SLC35F1: variants seen among roughly 807,000 people sequenced by gnomAD.
The protein encoded by SLC35F1 is solute carrier family 35 member F1, also known as chromosome 6 open reading frame 169.
In SLC35F1, 14 loss-of-function variants were observed where a neutral mutation model predicts 48.7. That is an observed-to-expected ratio of 0.29 (90% CI 0.19 to 0.45). The LOEUF is 0.45. Ranked by LOEUF, SLC35F1 falls within the 20% of genes least tolerant of loss-of-function variation. The pLI is 1.00. For synonymous variants in SLC35F1, 190 were observed against 202.2 expected (o/e 0.94, Z 0.51); for missense variants, 404 against 500.0 (o/e 0.81, Z 1.83).
chr6:118,000,977 A>G (rs1206392981), intron 1 of SLC35F1, among the ~76,000 whole-genome samples: 1 of 152,096 alleles, frequency 6.6e-6, no homozygotes, highest in Non-Finnish European at 1.5e-5. Context: ...AGAACATTCC[A>G]TGCTCATCGG....
chr6:117,955,731 T>C (rs1446551613), intron 1 of SLC35F1, among the ~76,000 whole-genome samples: 6 of 152,226 alleles, frequency 3.9e-5, no homozygotes. Context: ...CAGTGTGATC[T>C]TGCTTCAGTC....
At position 118,275,447 on chromosome 6, in the gene SLC35F1, G is replaced by C; in HGVS notation, c.638-12G>C. ...GATGCTCCCTCTGTTTGTTTGTTTG[G>C]TTGGTTCCTAGGGGAAAATAAGCTG... On this transcript the variant is annotated splice_polypyrimidine_tract_variant and intron_variant, in intron 4 of 7. Coordinates refer to ENST00000360388, the MANE Select transcript of SLC35F1 (RefSeq NM_001029858.4). 21 of 1,602,810 alleles carry C rather than the reference G, an allele frequency of 1.3e-5. No homozygotes were observed. The highest frequency in any genetic ancestry group is 1.6e-5 in the Non-Finnish European group (19 of 1,175,392).
chr6:118,128,003 T>C (rs1345115050), intron 1 of SLC35F1, among the ~76,000 whole-genome samples: 62 of 151,858 alleles, frequency 4.1e-4, no homozygotes, highest in Non-Finnish European at 9.0e-4. Flanking sequence ...GGGCAAAGGA[T>C]ATGAACAGAC....
chr6:118,138,971 A>AACACACACACAC (rs58109876), intron 1 of SLC35F1, among the ~76,000 whole-genome samples: 2,791 of 150,052 alleles, frequency 0.019, 98 homozygotes, highest in African/African-American at 0.065. Context: ...TTTCAGCAGA[A>AACACACACACAC]ACACACACAC....
chr6:117,943,538 A>C (rs1776258882), intron 1 of SLC35F1, among the ~76,000 whole-genome samples: 1 of 152,202 alleles, frequency 6.6e-6, no homozygotes, highest in African/African-American at 2.4e-5. Flanking sequence ...TTTTGTGTAA[A>C]GTTCTTATGG....
chr6:118,052,716 A>G (rs1343928860), intron 1 of SLC35F1, among the ~76,000 whole-genome samples: 2 of 152,222 alleles, frequency 1.3e-5, no homozygotes, highest in Non-Finnish European at 2.9e-5. Context: ...AATTAAGAGA[A>G]AAGCTGTTTA....
rs1776415838 is a variant in SLC35F1, at chr6:118,315,099, G to C, written c.*847G>C. The stretch of plus-strand genomic sequence containing the variant: ...TAAAATCTTTCTGCTCCTCCCTGTA[G>C]CCTCTCTTCAAAAACTATCTTTTAT... On this transcript the variant is annotated 3_prime_UTR_variant, in exon 8 of 8. Coordinates refer to ENST00000360388, the MANE Select transcript of SLC35F1 (RefSeq NM_001029858.4). 1 of 152,516 alleles carries C rather than the reference G, an allele frequency of 6.6e-6. No homozygotes were observed. Among genetic ancestry groups the C allele is most frequent in the South Asian group, 2.1e-4 (1 of 4,826 alleles). 9.4% of individuals were successfully genotyped at this position (152,516 alleles called of 1,614,324 possible). A position where few individuals can be genotyped will look rare whatever the true frequency, so the allele number is the denominator to read the frequency against.
At chr6:118,014,216 A>G (rs1171900583) in intron 1 of SLC35F1, among the ~76,000 whole-genome samples, 1 of 145,380 alleles carries the variant, frequency 6.9e-6, no homozygotes, top group Non-Finnish European at 1.5e-5. Context: ...CACCCAGCAC[A>G]TAGTGAACAC....
intron 3 of SLC35F1, among the ~76,000 whole-genome samples, chr6:118,260,611 G>A (rs532165497): frequency 6.6e-6 from 1 of 152,072 alleles, no homozygotes; most frequent in Non-Finnish European, 1.5e-5. Context: ...TGAATGTAGT[G>A]TTTCCTTATG....
intron 1 of SLC35F1, among the ~76,000 whole-genome samples, chr6:117,955,088 C>A (rs932773374): frequency 3.3e-5 from 5 of 152,032 alleles, no homozygotes; most frequent in East Asian, 1.9e-4. Context: ...TGGGTAAGTT[C>A]TTTTTTATAG....
At chr6:118,200,946 C>T (rs192134246) in intron 2 of SLC35F1, among the ~76,000 whole-genome samples, 98 of 152,156 alleles carry the variant, frequency 6.4e-4, no homozygotes, top group Non-Finnish European at 8.8e-4. Context: ...AGTGCAATGA[C>T]GTGACGATTG....
At chr6:118,042,580 T>C (rs1034728895) in intron 1 of SLC35F1, among the ~76,000 whole-genome samples, 3 of 152,162 alleles carry the variant, frequency 2.0e-5, no homozygotes, top group Non-Finnish European at 4.4e-5. Context: ...TACAGGGCCT[T>C]CCACATCTTG....
chr6:118,289,668 C>T (rs536229486), intron 7 of SLC35F1, among the ~76,000 whole-genome samples: 1 of 152,134 alleles, frequency 6.6e-6, no homozygotes, highest in East Asian at 1.9e-4. Context: ...TTTAATGTCT[C>T]TATATTATAT....
chr6:118,052,565 T>C (rs901809827), intron 1 of SLC35F1, among the ~76,000 whole-genome samples: 2 of 152,222 alleles, frequency 1.3e-5, no homozygotes, highest in Non-Finnish European at 2.9e-5. Context: ...TACTAGTTAG[T>C]ATTATCAGAT....
chr6:118,187,272 G>T (rs1427400140), intron 2 of SLC35F1, among the ~76,000 whole-genome samples: 1 of 152,166 alleles, frequency 6.6e-6, no homozygotes, highest in African/African-American at 2.4e-5. Flanking sequence ...CATTTTGAGA[G>T]CTTGTTTTTA....
chr6:117,912,563 G>A (rs909785978), intron 1 of SLC35F1, among the ~76,000 whole-genome samples: 6 of 152,234 alleles, frequency 3.9e-5, no homozygotes, highest in Non-Finnish European at 5.9e-5. Context: ...AAGCTGCTCC[G>A]TCTAAAACAT....
At chr6:118,055,146 T>C (rs1361957415) in intron 1 of SLC35F1, among the ~76,000 whole-genome samples, 1 of 152,224 alleles carries the variant, frequency 6.6e-6, no homozygotes, top group Non-Finnish European at 1.5e-5. Flanking sequence ...ATATCTAGTT[T>C]AAATATTAGT....
intron 7 of SLC35F1, among the ~76,000 whole-genome samples, chr6:118,302,859 A>G (rs890581272): frequency 2.0e-5 from 3 of 152,002 alleles, no homozygotes; most frequent in Admixed American, 1.3e-4. Flanking sequence ...AAGTTTTAGT[A>G]TGGAATACTT....
intron 6 of SLC35F1, among the ~76,000 whole-genome samples, chr6:118,280,817 G>A (rs62421489): frequency 0.09 from 13,652 of 151,470 alleles, 632 homozygotes; most frequent in Middle Eastern, 0.15. Context: ...GTTGCAGCGA[G>A]TCGGGATCAC....
Sources: allele counts gnomAD v4.1 joint callset (sites outside exome capture counted in the v4.1 genomes callset), GRCh38; gene constraint gnomAD v4.1.1; transcripts MANE v1.5; gene names NCBI Gene and HGNC (gene_info 2026-07-23, HGNC 2026-07-21).